ARHGAP12: variants seen among roughly 807,000 people sequenced by gnomAD.
ARHGAP12 encodes the protein rho GTPase-activating protein 12.
In ARHGAP12, 64 loss-of-function variants were observed where a neutral mutation model predicts 108.6. The ratio of observed to expected loss-of-function variants is 0.59; its 90% CI spans 0.48 to 0.73. The LOEUF is 0.73. ARHGAP12 is among the 30% of genes least tolerant of loss of function. The probability of loss-of-function intolerance (pLI) is 0.00; values close to 1 mark genes in which losing one functional copy is unlikely to be tolerated. For missense variants in ARHGAP12, 940 were observed against 1,005.9 expected, an observed-to-expected ratio of 0.93 and a Z score of 0.89; for synonymous variants, 312 against 337.2, an observed-to-expected ratio of 0.93 and a Z score of 0.82.
chr10:31,822,652 G>A (rs775942078), intron 11 of ARHGAP12, among the ~76,000 whole-genome samples: 13 of 152,068 alleles, frequency 8.5e-5, no homozygotes, highest in African/African-American at 1.9e-4. Context: ...GGCCCTTTAC[G>A]ATCTTGATTA....
intron 4 of ARHGAP12, among the ~76,000 whole-genome samples, chr10:31,859,591 T>C (rs1253371226): frequency 1.6e-5 from 2 of 126,978 alleles, no homozygotes; most frequent in African/African-American, 2.8e-5. Flanking sequence ...AGACCAGTAA[T>C]TGAGACCCTG....
chr10:31,860,694 A>G (rs1409978798), intron 4 of ARHGAP12, among the ~76,000 whole-genome samples: 2 of 152,212 alleles, frequency 1.3e-5, no homozygotes, highest in Non-Finnish European at 2.9e-5. Context: ...AAAAAATGGG[A>G]AGTAGTCTGG....
intron 3 of ARHGAP12, among the ~76,000 whole-genome samples, chr10:31,884,518 C>T (rs1482412801): frequency 6.6e-6 from 1 of 152,192 alleles, no homozygotes; most frequent in East Asian, 1.9e-4. Context: ...TTCTCAGACA[C>T]TCCACCAAAA....
At position 31,897,444 on chromosome 10, in the gene ARHGAP12, TA is replaced by T. The variant is rs772494007; in HGVS notation, c.684+10727del. 2.0e-5 allele frequency among the ~76,000 whole-genome samples: 3 copies of T among 152,116 alleles called. No individual in the cohort carries two copies. The East Asian group carries it at 5.8e-4, about 29-fold the overall frequency. On this transcript the variant is annotated intron_variant, in intron 3 of 19. Coordinates refer to ENST00000344936, the MANE Select transcript of ARHGAP12 (RefSeq NM_018287.7). Reference sequence around the variant, plus strand: ...TACCACCACTCCAACAGGCCTCCAGTACATCAACAGTGAACTGAGGGGCACA... The same window carrying T: ...TACCACCACTCCAACAGGCCTCCAGTCATCAACAGTGAACTGAGGGGCACA...
intron 6 of ARHGAP12, among the ~76,000 whole-genome samples, chr10:31,843,802 T>C (rs1038359766): frequency 1.3e-5 from 2 of 152,166 alleles, no homozygotes; most frequent in East Asian, 3.8e-4. Flanking sequence ...CAGACCAAGG[T>C]AGTGTTATCT....
At chr10:31,863,231 A>G (rs1476444924) in intron 3 of ARHGAP12, among the ~76,000 whole-genome samples, 1 of 152,226 alleles carries the variant, frequency 6.6e-6, no homozygotes, top group African/African-American at 2.4e-5. Flanking sequence ...ATGGAGACAG[A>G]TATCATTTCT....
chr10:31,923,791 G>A (rs191045274), intron 1 of ARHGAP12, among the ~76,000 whole-genome samples: 1 of 152,278 alleles, frequency 6.6e-6, no homozygotes, highest in Admixed American at 6.5e-5. Context: ...GGGACATGGG[G>A]AATGAATCAC....
chr10:31,915,772 G>T (rs1592380220), intron 1 of ARHGAP12, among the ~76,000 whole-genome samples: 1 of 151,834 alleles, frequency 6.6e-6, no homozygotes. Flanking sequence ...AATAATTTAC[G>T]TTTAAAAAAA....
At chr10:31,841,367 G>C (rs748797116) in intron 7 of ARHGAP12, among the ~76,000 whole-genome samples, 7 of 152,142 alleles carry the variant, frequency 4.6e-5, no homozygotes, top group Non-Finnish European at 1.0e-4. Context: ...ATAATAGATG[G>C]TCCTTGACTT....
At position 31,908,741 on chromosome 10, in the gene ARHGAP12, T is replaced by C. The variant is rs779494677; in HGVS notation, c.115A>G (p.Arg39Gly). ...DRKIVIKQGERYILVKKTNDD... is the reference protein window; with the variant it reads ...DRKIVIKQGEGYILVKKTNDD... ...TTGGTCTTTTTCACCAAGATGTACC[T>C]CTCCCCTTGTTTTATCACAATCTTT... The change falls in exon 3 of 20, where the codon AGG becomes GGG. Residue 39 changes from arginine (R) to glycine (G), a missense_variant. Physicochemically the swap from Arg to Gly is moderately radical, Grantham distance 125. Coordinates refer to ENST00000344936, the MANE Select transcript of ARHGAP12 (RefSeq NM_018287.7). The C allele has an allele frequency of 1.2e-6, 2 of 1,614,094 alleles. No homozygotes were observed.
At chr10:31,922,763 C>A (rs1311574820) in intron 1 of ARHGAP12, among the ~76,000 whole-genome samples, 1 of 151,550 alleles carries the variant, frequency 6.6e-6, no homozygotes, top group Non-Finnish European at 1.5e-5. Flanking sequence ...ATAAATCTCT[C>A]AAAAAAAAGT....
rs576705148 is a variant in ARHGAP12 at position 31,915,206 on chromosome 10, G to T, written c.-110-4643C>A. 6.6e-5 allele frequency among the ~76,000 whole-genome samples: 10 copies of T among 152,246 alleles called. No individual in the cohort carries two copies. In the South Asian group the frequency reaches 1.7e-3, roughly 25 times the overall value. ...GTTCGAGACCAGCCTGACCAACATG[G>T]AGAAACTCCGTCTCTACTAAAAATA... is the stretch of plus-strand genomic sequence containing the variant. On this transcript the variant is annotated intron_variant, in intron 1 of 19. Transcript: ENST00000344936.
intron 9 of ARHGAP12, among the ~76,000 whole-genome samples, chr10:31,835,727 G>A (rs766151860): frequency 4.6e-4 from 70 of 152,110 alleles, no homozygotes; most frequent in Non-Finnish European, 8.8e-4. Flanking sequence ...TATAGAATAA[G>A]TAAACTTGCA....
At chr10:31,922,073 T>A (rs1839839429) in intron 1 of ARHGAP12, among the ~76,000 whole-genome samples, 1 of 149,426 alleles carries the variant, frequency 6.7e-6, no homozygotes, top group Non-Finnish European at 1.5e-5. Flanking sequence ...GTGCCTGTGG[T>A]CCCAGCTACT....
chr10:31,921,515 C>T (rs1839806432), intron 1 of ARHGAP12, among the ~76,000 whole-genome samples: 1 of 151,894 alleles, frequency 6.6e-6, no homozygotes, highest in South Asian at 2.1e-4. Context: ...CCTGTAATCC[C>T]AGCACTTTGG....
intron 3 of ARHGAP12, among the ~76,000 whole-genome samples, chr10:31,885,436 T>C (rs753057659): frequency 6.6e-6 from 1 of 152,198 alleles, no homozygotes; most frequent in Non-Finnish European, 1.5e-5. Context: ...TATTTTTCTA[T>C]CACCTCATTA....
intron 3 of ARHGAP12, among the ~76,000 whole-genome samples, chr10:31,902,120 A>G (rs553224954): frequency 6.6e-6 from 1 of 152,302 alleles, no homozygotes; most frequent in African/African-American, 2.4e-5. Flanking sequence ...AAATCAGTTT[A>G]TCTGATTTCG....
chr10:31,878,052 A>G (rs971524501), intron 3 of ARHGAP12, among the ~76,000 whole-genome samples: 27 of 152,322 alleles, frequency 1.8e-4, no homozygotes, highest in African/African-American at 6.0e-4. Flanking sequence ...GTGACACAGG[A>G]GACCCTGTCT....
At chr10:31,926,816 CTT>C (rs1172887317) in intron 1 of ARHGAP12, among the ~76,000 whole-genome samples, 5 of 152,180 alleles carry the variant, frequency 3.3e-5, no homozygotes, top group African/African-American at 1.2e-4. Flanking sequence ...TTCTACAGCA[CTT>C]AATCTATTTT....
Sources: allele counts gnomAD v4.1 joint callset (sites outside exome capture counted in the v4.1 genomes callset), GRCh38; gene constraint gnomAD v4.1.1; transcripts MANE v1.5; gene names NCBI Gene and HGNC (gene_info 2026-07-23, HGNC 2026-07-21).